EML5: variants seen among roughly 807,000 people sequenced by gnomAD.
EML5 encodes the protein echinoderm microtubule-associated protein-like 5.
EML5 carries 120 observed loss-of-function variants against 250.0 expected under a neutral mutation model. The observed-to-expected ratio is 0.48, with a 90% CI of 0.41 to 0.56. EML5 has a LOEUF of 0.56. Among genes scored for constraint, EML5 ranks in the 20% least tolerant of loss-of-function variants. The pLI is 0.00. For missense variants in EML5, 2,006 were observed against 2,437.6 expected, an observed-to-expected ratio of 0.82 and a Z score of 3.73; for synonymous variants, 771 against 806.5, an observed-to-expected ratio of 0.96 and a Z score of 0.75.
intron 31 of EML5, among the ~76,000 whole-genome samples, 195 bp downstream of exon 31, chr14:88,642,698 T>G (rs957844636): frequency 2.6e-5 from 4 of 152,214 alleles, no homozygotes; most frequent in African/African-American, 9.6e-5. Context: ...TCTGCTGTAT[T>G]ATACTCTCTT....
At chr14:88,703,806 G>A (rs2093264285) in intron 13 of EML5, among the ~76,000 whole-genome samples, 1 of 152,160 alleles carries the variant, frequency 6.6e-6, no homozygotes, top group Non-Finnish European at 1.5e-5. Context: ...AAATGCTCAT[G>A]CAAGAAGAAG....
At chr14:88,668,602 C>T (rs1460372653) in intron 21 of EML5, among the ~76,000 whole-genome samples, 2 of 151,872 alleles carry the variant, frequency 1.3e-5, no homozygotes, top group African/African-American at 2.4e-5. Flanking sequence ...CAGAGAAGGG[C>T]GCCTCAACTA....
At chr14:88,773,640 G>A (rs988766030) in intron 1 of EML5, among the ~76,000 whole-genome samples, 11 of 152,118 alleles carry the variant, frequency 7.2e-5, no homozygotes, top group African/African-American at 1.9e-4. Flanking sequence ...AACAACAAAC[G>A]ATACCTGGAC....
At chr14:88,761,993 T>TGA (rs1017842798) in intron 1 of EML5, among the ~76,000 whole-genome samples, 5 of 152,362 alleles carry the variant, frequency 3.3e-5, no homozygotes, top group African/African-American at 1.2e-4. Context: ...TGTCTTCTTT[T>TGA]GAGAAGTGTC....
At position 88,735,987 on chromosome 14, in the gene EML5, G is replaced by A. The variant is rs144155688; in HGVS notation, c.1049+377C>T. ...ACCATGAGCTAATAAAGTTTTAATC[G>A]GAGTATTTTTTCTTTCTTTTTTTTT... On this transcript the variant is annotated intron_variant, in intron 7 of 43. Coordinates refer to ENST00000554922, the MANE Select transcript of EML5 (RefSeq NM_183387.3). Among the ~76,000 whole-genome samples the A allele has an allele frequency of 4.6e-3, 670 of 145,998 alleles. 1 individual carries two copies. The highest frequency in any genetic ancestry group is 0.011 in the Middle Eastern group (3 of 280).
intron 4 of EML5, 30 bp from the exon 5 acceptor site, chr14:88,740,602 C>T (rs1566733364): frequency 6.7e-7 from 1 of 1,487,670 alleles, no homozygotes; most frequent in Non-Finnish European, 9.0e-7. Context: ...ATCAAATTAC[C>T]AAAGAATTCT....
In EML5 at chr14:88,761,275, A is replaced by G. The variant is rs906490714; in HGVS notation, c.198-6604T>C. On this transcript the variant is annotated intron_variant, in intron 1 of 43. Coordinates refer to ENST00000554922, the MANE Select transcript of EML5 (RefSeq NM_183387.3). Reference sequence around the variant, plus strand: ...GTGCAGGTTTGTTGCATAGGTATACATGTGTCATGGTGGTTTGCTGCACTC... The same window carrying G: ...GTGCAGGTTTGTTGCATAGGTATACGTGTGTCATGGTGGTTTGCTGCACTC... Among the ~76,000 whole-genome samples, 22 of 152,052 alleles carry G rather than the reference A, an allele frequency of 1.4e-4. 1 individual carries two copies. The highest frequency in any genetic ancestry group is 2.9e-5 in the Non-Finnish European group (2 of 68,014).
At position 88,618,691 on chromosome 14, in the gene EML5, CAA is replaced by C; in HGVS notation, c.5495_5496del (p.Phe1832CysfsTer10). 6.2e-7 allele frequency: 1 copy of C among 1,612,554 alleles called. No individual in the cohort carries two copies. Among genetic ancestry groups the C allele is most frequent in the Non-Finnish European group, 8.5e-7 (1 of 1,179,302 alleles). Reference sequence around the variant, plus strand: ...TCTGCAGAGAAGTCCATTTGAATGACAAAGCTTGGAATGTCTTTGCAGTAGCT... The same window carrying C: ...TCTGCAGAGAAGTCCATTTGAATGACAGCTTGGAATGTCTTTGCAGTAGCT... Reference protein sequence around the residue: ...RISYCKDIPSFVIQMDFSADS... With the variant: ...RISYCKDIPSXVIQMDFSADS... On this transcript the variant is annotated frameshift_variant, in exon 40 of 44. Transcript: ENST00000554922. LOFTEE classifies it high-confidence loss of function.
chr14:88,653,332 GT>G (rs2091723879), intron 27 of EML5, among the ~76,000 whole-genome samples: 1 of 152,140 alleles, frequency 6.6e-6, no homozygotes, highest in South Asian at 2.1e-4. Context: ...CCAACAATAT[GT>G]TGAATCAAAG....
chr14:88,657,287 T>C (rs1300498688), intron 27 of EML5, 89 bp downstream of exon 27: 2 of 1,260,632 alleles, frequency 1.6e-6, no homozygotes, highest in East Asian at 2.6e-5. Context: ...CACTGTTACT[T>C]AGTTTGTGTA....
At chr14:88,751,347 A>G (rs559183545) in intron 2 of EML5, among the ~76,000 whole-genome samples, 15 of 152,324 alleles carry the variant, frequency 9.8e-5, no homozygotes, top group African/African-American at 3.1e-4. Flanking sequence ...CAGTTTGTAG[A>G]AAAGTAATAG....
At chr14:88,616,106 A>G (rs559722410) in intron 43 of EML5, 36 bp downstream of exon 43, 6 of 1,596,448 alleles carry the variant, frequency 3.8e-6, no homozygotes, top group Non-Finnish European at 5.2e-6. Context: ...AACTAGTAAC[A>G]TAGTCTGCTC....
intron 30 of EML5, among the ~76,000 whole-genome samples, chr14:88,643,546 G>C (rs1013045424): frequency 6.6e-6 from 1 of 152,134 alleles, no homozygotes; most frequent in Non-Finnish European, 1.5e-5. Context: ...TAAGGCACTT[G>C]AGCACCTGTG....
In EML5 at chr14:88,738,862, A is replaced by G. The variant is rs766249726; in HGVS notation, c.847+17T>C. 2 of 1,551,972 alleles carry G rather than the reference A, an allele frequency of 1.3e-6. No individual in the cohort carries two copies. Among genetic ancestry groups the G allele is most frequent in the Non-Finnish European group, 1.7e-6 (2 of 1,148,260 alleles). ...TTTAGAGTTTGCCTAGTAATAAGACATTTGTTTTGTTATTACCTTTGTATC... is the reference window on the plus strand; with the variant it reads ...TTTAGAGTTTGCCTAGTAATAAGACGTTTGTTTTGTTATTACCTTTGTATC... On this transcript the variant is annotated intron_variant, in intron 6 of 43. Coordinates refer to ENST00000554922, the MANE Select transcript of EML5 (RefSeq NM_183387.3).
chr14:88,668,445 G>C (rs536084760), intron 21 of EML5, among the ~76,000 whole-genome samples: 2 of 152,086 alleles, frequency 1.3e-5, no homozygotes, highest in East Asian at 3.9e-4. Context: ...AAAAAAAAAA[G>C]GGAATGATAA....
chr14:88,670,163 C>A (rs1359875722), intron 21 of EML5, among the ~76,000 whole-genome samples: 4 of 148,758 alleles, frequency 2.7e-5, no homozygotes, highest in East Asian at 2.0e-4. Flanking sequence ...AAAAAAAAAA[C>A]AAAAAAAATT....
intron 1 of EML5, among the ~76,000 whole-genome samples, chr14:88,759,000 G>C (rs2094200533): frequency 6.6e-6 from 1 of 152,194 alleles, no homozygotes; most frequent in Non-Finnish European, 1.5e-5. Flanking sequence ...GCTGGAAGGA[G>C]AGGAGAATGG....
intron 7 of EML5, 65 bp from the exon 8 acceptor site, chr14:88,726,743 G>A: frequency 8.1e-7 from 1 of 1,232,032 alleles, no homozygotes; most frequent in South Asian, 2.0e-5. Flanking sequence ...AAATATTTTG[G>A]TTAAAATAAT....
intron 1 of EML5, among the ~76,000 whole-genome samples, chr14:88,756,482 T>C (rs931795184): frequency 5.3e-5 from 8 of 152,074 alleles, no homozygotes; most frequent in African/African-American, 9.7e-5. Context: ...ATTTAACTTA[T>C]TAGATATTCT....
Sources: gnomAD v4.1 joint callset for allele counts (sites outside exome capture counted in the v4.1 genomes callset) on GRCh38, gnomAD v4.1.1 for gene constraint, MANE v1.5 for transcripts, NCBI Gene and HGNC (gene_info 2026-07-23, HGNC 2026-07-21) for gene names.